Variants in IL1RAPL2 observed in about 807,000 individuals in gnomAD.
IL1RAPL2 encodes the protein X-linked interleukin-1 receptor accessory protein-like 2.
IL1RAPL2 carries 3 observed loss-of-function variants against 44.1 expected under a neutral mutation model. The observed-to-expected ratio is 0.07, with a 90% CI of 0.03 to 0.18. The LOEUF is 0.18. IL1RAPL2 is among the 10% of genes least tolerant of loss of function. IL1RAPL2 has a pLI of 1.00. For synonymous variants in IL1RAPL2, 181 were observed against 178.8 expected, an observed-to-expected ratio of 1.01 and a Z score of -0.10; for missense variants, 391 against 496.4, an observed-to-expected ratio of 0.79 and a Z score of 2.02.
chrX:104,814,342 A>C (rs1213363652), intron 2 of IL1RAPL2, among the ~76,000 whole-genome samples: 1 of 112,255 alleles, frequency 8.9e-6, no homozygotes, highest in Non-Finnish European at 1.9e-5. Flanking sequence ...AATAATAACC[A>C]TATGATTTGC....
At chrX:105,521,188 C>A (rs2036555734) in intron 6 of IL1RAPL2, among the ~76,000 whole-genome samples, 1 of 105,949 alleles carries the variant, frequency 9.4e-6, no homozygotes, top group Non-Finnish European at 1.9e-5. Flanking sequence ...TCGTGATCTG[C>A]CTGCCTCAGC....
At chrX:105,337,892 C>G (rs1433161927) in intron 5 of IL1RAPL2, among the ~76,000 whole-genome samples, 2 of 83,299 alleles carry the variant, frequency 2.4e-5, no homozygotes, top group African/African-American at 1.4e-4. Flanking sequence ...CTCCATCTCA[C>G]ACACACACAC....
intron 1 of IL1RAPL2, among the ~76,000 whole-genome samples, chrX:104,608,657 C>A (rs1175685053): frequency 5.6e-5 from 5 of 89,062 alleles, no homozygotes. Flanking sequence ...GGATTGCAAC[C>A]CCTGCTTTTT....
chrX:104,852,534 A>T (rs937493895), intron 2 of IL1RAPL2, among the ~76,000 whole-genome samples: 4 of 111,617 alleles, frequency 3.6e-5, no homozygotes, highest in African/African-American at 1.3e-4. Flanking sequence ...AACACAAGCA[A>T]CTCCATTTTG....
chrX:104,583,191 G>C (rs1037281085), intron 1 of IL1RAPL2, among the ~76,000 whole-genome samples: 3 of 110,227 alleles, frequency 2.7e-5, no homozygotes, highest in African/African-American at 9.9e-5. Context: ...CTTGGCCCAG[G>C]TTTTTCTTTC....
Position 105,749,004 on chromosome X carries a change from T to A in IL1RAPL2, c.1093T>A (p.Phe365Ile). ...GCTTGCAGGGGGCCTGGGAGCAATC[T>A]TCCTCCTCCTTGTACTGCTGGTGGT... Reference protein sequence around the residue: ...IELAGGLGAIFLLLVLLVVIY... With the variant: ...IELAGGLGAIILLLVLLVVIY... The change falls in exon 9 of 11, where the codon TTC (phenylalanine) becomes ATC (isoleucine). Residue 365 changes from phenylalanine to isoleucine, a missense_variant. Physicochemically the swap from Phe to Ile is conservative, Grantham distance 21 (BLOSUM62 0). Around this residue, in one of 2 missense-constraint regions of IL1RAPL2, gnomAD observed 232 missense variants for 244.8 expected, o/e 0.95. Transcript: ENST00000372582. 1 of 1,208,985 alleles carries A rather than the reference T, an allele frequency of 8.3e-7. No individual in the cohort carries two copies. Among genetic ancestry groups the A allele is most frequent in the Non-Finnish European group, 1.1e-6 (1 of 893,144 alleles).
intron 6 of IL1RAPL2, among the ~76,000 whole-genome samples, chrX:105,616,860 CATTATT>C (rs1228859329): frequency 1.8e-5 from 2 of 109,622 alleles, no homozygotes; most frequent in East Asian, 2.9e-4. Flanking sequence ...ATAATAATGT[CATTATT>C]ATTATTATGT....
At chrX:105,350,563 A>C (rs1734347617) in intron 5 of IL1RAPL2, among the ~76,000 whole-genome samples, 1 of 111,443 alleles carries the variant, frequency 9.0e-6, no homozygotes, top group African/African-American at 3.3e-5. Context: ...GTCTCCACTA[A>C]AATTACAAAA....
chrX:105,092,622 A>G (rs1308897737), intron 2 of IL1RAPL2, among the ~76,000 whole-genome samples: 1 of 111,610 alleles, frequency 9.0e-6, no homozygotes, highest in African/African-American at 3.3e-5. Flanking sequence ...CATCCAATCC[A>G]AAGCTCCTAC....
chrX:104,990,352 A>G, intron 2 of IL1RAPL2, among the ~76,000 whole-genome samples: 1 of 111,528 alleles, frequency 9.0e-6, no homozygotes, highest in Non-Finnish European at 1.9e-5. Context: ...TGCAAATAAA[A>G]CTCCGTAACA....
At chrX:104,858,247 A>G (rs1922414132) in intron 2 of IL1RAPL2, among the ~76,000 whole-genome samples, 1 of 111,789 alleles carries the variant, frequency 8.9e-6, no homozygotes, top group Admixed American at 9.6e-5. Flanking sequence ...AATATTTAGC[A>G]GAGAGTTTTA....
rs777787806 is a variant in IL1RAPL2, at chrX:104,689,555, G to A, written c.82+30560G>A. On this transcript the variant is annotated intron_variant, in intron 2 of 10. Transcript: ENST00000372582. ...GTAGACAAAAGGAATTCTCTGGGAG[G>A]TTATTAGTGTCAGTTACTTGTCAGT... is the stretch of plus-strand genomic sequence containing the variant. 4.5e-3 allele frequency among the ~76,000 whole-genome samples: 502 copies of A among 111,643 alleles called. 2 individuals carry two copies. The highest frequency in any genetic ancestry group is 6.0e-3 in the Non-Finnish European group (320 of 53,100).
intron 2 of IL1RAPL2, among the ~76,000 whole-genome samples, chrX:105,094,262 T>C (rs1040924348): frequency 1.8e-5 from 2 of 111,861 alleles, no homozygotes; most frequent in Non-Finnish European, 1.9e-5. Flanking sequence ...GCAAGTTCTG[T>C]AAAGGACCTA....
chrX:104,915,548 G>A (rs1451491667), intron 2 of IL1RAPL2, among the ~76,000 whole-genome samples: 3 of 110,378 alleles, frequency 2.7e-5, no homozygotes, highest in African/African-American at 9.9e-5. Context: ...AGTTTCTTTT[G>A]CTGTGCAGAA....
chrX:105,572,529 T>C (rs1215089706), intron 6 of IL1RAPL2, among the ~76,000 whole-genome samples: 4 of 112,127 alleles, frequency 3.6e-5, no homozygotes, highest in Admixed American at 9.5e-5. Flanking sequence ...AAAATTCTAA[T>C]TGACACAAGA....
intron 6 of IL1RAPL2, among the ~76,000 whole-genome samples, chrX:105,542,670 T>TTTTTTTTA (rs2036748742): frequency 7.5e-5 from 7 of 92,888 alleles, no homozygotes; most frequent in African/African-American, 3.8e-4. Context: ...TAGATTCTCT[T>TTTTTTTTA]TTTTTTTTAT....
chrX:105,493,003 A>C (rs72616901), intron 6 of IL1RAPL2, among the ~76,000 whole-genome samples: 1 of 111,440 alleles, frequency 9.0e-6, no homozygotes, highest in African/African-American at 3.3e-5. Context: ...CCTATTCTGG[A>C]TATTTAATAT....
At chrX:105,149,653 G>A (rs904299497) in intron 2 of IL1RAPL2, among the ~76,000 whole-genome samples, 5 of 110,083 alleles carry the variant, frequency 4.5e-5, no homozygotes, top group African/African-American at 1.7e-4. Flanking sequence ...CCAACATGGC[G>A]AAACCCCATC....
At chrX:105,326,567 A>G (rs1362223096) in intron 5 of IL1RAPL2, among the ~76,000 whole-genome samples, 1 of 111,652 alleles carries the variant, frequency 9.0e-6, no homozygotes, top group African/African-American at 3.3e-5. Flanking sequence ...TCTTTGGTCC[A>G]TTTTGAGTAA....
Sources: gnomAD v4.1 joint callset for allele counts (sites outside exome capture counted in the v4.1 genomes callset) on GRCh38, gnomAD v4.1.1 for gene constraint, gnomAD v4.1.1 regional missense constraint, MANE v1.5 for transcripts, NCBI Gene and HGNC (gene_info 2026-07-23, HGNC 2026-07-21) for gene names.